Variants in WDR19 observed in about 807,000 individuals in gnomAD.
WDR19 encodes the protein WD repeat-containing protein 19.
Under a neutral mutation model 180.0 loss-of-function variants are expected in WDR19, and 121 were observed. The observed-to-expected ratio is 0.67, with a 90% CI of 0.58 to 0.78. The LOEUF is 0.78. Among genes scored for constraint, WDR19 ranks in the 30% least tolerant of loss-of-function variants. The pLI is 0.00. For synonymous variants in WDR19, 497 were observed against 540.7 expected, an observed-to-expected ratio of 0.92 and a Z score of 1.12; for missense variants, 1,450 against 1,640.7, an observed-to-expected ratio of 0.88 and a Z score of 2.01.
In WDR19 at chr4:39,253,874, A is replaced by C. The variant is rs146625025; in HGVS notation, c.2877-32A>C. On this transcript the variant is annotated intron_variant, in intron 25 of 36. Coordinates refer to ENST00000399820, the MANE Select transcript of WDR19 (RefSeq NM_025132.4). ...TTTTGTAAATCACAAATTTATATTA[A>C]GAGTCTAGCTAATTAAAGTACTTTG... 208 of 1,533,056 alleles carry C rather than the reference A, an allele frequency of 1.4e-4. 1 individual carries two copies. In the East Asian group the frequency reaches 4.5e-3, roughly 33 times the overall value. The allele number at this position is 1,533,056 out of a possible 1,614,324, so 95.0% of individuals were successfully genotyped here. A position where few individuals can be genotyped will look rare whatever the true frequency, so the allele number is the denominator to read the frequency against.
intron 26 of WDR19, 49 bp from the exon 27 acceptor site, chr4:39,255,799 G>A (rs1443621450): frequency 9.2e-7 from 1 of 1,085,480 alleles, no homozygotes; most frequent in Non-Finnish European, 1.3e-6. Context: ...AGCAATAAAA[G>A]GTAAACAAAT....
intron 28 of WDR19, among the ~76,000 whole-genome samples, chr4:39,262,294 T>G (rs4974999): frequency 0.63 from 95,617 of 151,904 alleles, 30,659 homozygotes; most frequent in East Asian, 0.82. Flanking sequence ...CTCTCTCTGT[T>G]GCCCAGGTGG....
intron 24 of WDR19, among the ~76,000 whole-genome samples, chr4:39,249,982 C>T (rs369964234): frequency 6.6e-6 from 1 of 152,176 alleles, no homozygotes; most frequent in Admixed American, 6.5e-5. Context: ...AGAATCCTCC[C>T]TAACTCATTT....
intron 31 of WDR19, among the ~76,000 whole-genome samples, chr4:39,270,411 C>G (rs944891543): frequency 6.6e-6 from 1 of 152,166 alleles, no homozygotes; most frequent in African/African-American, 2.4e-5. Flanking sequence ...ACGTCTTGCT[C>G]TTTACCCAGG....
chr4:39,187,297 G>A (rs1222863479), intron 3 of WDR19, among the ~76,000 whole-genome samples: 3 of 151,862 alleles, frequency 2.0e-5, no homozygotes, highest in African/African-American at 7.3e-5. Flanking sequence ...GCATGCGCCT[G>A]TAGTCCCAGC....
At chr4:39,259,386 C>G (rs923234753) in intron 28 of WDR19, among the ~76,000 whole-genome samples, 1 of 152,190 alleles carries the variant, frequency 6.6e-6, no homozygotes, top group Non-Finnish European at 1.5e-5. Context: ...CTTTAGTCGT[C>G]TGTCCTTGTA....
chr4:39,222,844 A>T (rs1209757257), intron 14 of WDR19, among the ~76,000 whole-genome samples: 1 of 152,218 alleles, frequency 6.6e-6, no homozygotes, highest in Non-Finnish European at 1.5e-5. Flanking sequence ...CAGGATATTG[A>T]CATTGGTACA....
At chr4:39,193,170 T>C (rs1283023393) in intron 4 of WDR19, among the ~76,000 whole-genome samples, 2 of 151,608 alleles carry the variant, frequency 1.3e-5, no homozygotes, top group Non-Finnish European at 2.9e-5. Flanking sequence ...CTTTTCTTTT[T>C]TTTTTTTTTG....
rs1290711866 is a variant in WDR19, at chr4:39,285,654, T to C, written c.*181T>C. On this transcript the variant is annotated 3_prime_UTR_variant, in exon 37 of 37. Coordinates refer to ENST00000399820, the MANE Select transcript of WDR19 (RefSeq NM_025132.4). ...GCAAAACGATGACATGTAACCTTGCTGTTTATTGTACTTTGTATATTATTT... is the reference window on the plus strand; with the variant it reads ...GCAAAACGATGACATGTAACCTTGCCGTTTATTGTACTTTGTATATTATTT... 6.6e-6 allele frequency: 1 copy of C among 152,254 alleles called. No individual in the cohort carries two copies. Among genetic ancestry groups the C allele is most frequent in the Non-Finnish European group, 1.5e-5 (1 of 68,056 alleles). The allele number at this position is 152,254 out of a possible 1,614,324, so 9.4% of individuals were successfully genotyped here.
chr4:39,244,309 G>A lies in WDR19; in HGVS notation c.2483G>A (p.Arg828His), dbSNP rs771137155. ...AQMSIRMGDI[R>H]RGVNQALKHP... ...ATGTCCATAAGAATGGGAGACATAC[G>A]TCGAGGGGTTAACCAAGCCCTCAAG... Residue 828 changes from arginine (R) to histidine (H), a missense_variant, in exon 22 of 37, where the codon CGT (arginine) becomes CAT (histidine). Transcript: ENST00000399820. 1.4e-5 allele frequency: 23 copies of A among 1,613,956 alleles called. No homozygotes were observed. The highest frequency in any genetic ancestry group is 5.5e-5 in the South Asian group (5 of 91,086).
chr4:39,183,442 G>C (rs112816212), intron 1 of WDR19, among the ~76,000 whole-genome samples: 2,801 of 151,804 alleles, frequency 0.018, 42 homozygotes, highest in Non-Finnish European at 0.027. Context: ...GTAGAGATGG[G>C]GTTTCACCGT....
chr4:39,239,657 G>A (rs1052295968), intron 20 of WDR19, among the ~76,000 whole-genome samples: 1 of 152,030 alleles, frequency 6.6e-6, no homozygotes, highest in Non-Finnish European at 1.5e-5. Context: ...TCCTGCACGT[G>A]TACCCCCGAA....
intron 36 of WDR19, among the ~76,000 whole-genome samples, chr4:39,283,007 A>G (rs1736718001): frequency 6.6e-6 from 1 of 152,046 alleles, no homozygotes; most frequent in Non-Finnish European, 1.5e-5. Flanking sequence ...ACTGGCTAGG[A>G]CCTCCTCTGC....
chr4:39,220,646 A>G (rs560412760), intron 14 of WDR19, among the ~76,000 whole-genome samples: 2 of 113,852 alleles, frequency 1.8e-5, no homozygotes, highest in Non-Finnish European at 3.3e-5. Context: ...AGTAGCTGGG[A>G]TTACAGGTAC....
At chr4:39,240,440 G>T in intron 21 of WDR19, 106 bp downstream of exon 21, 2 of 575,942 alleles carry the variant, frequency 3.5e-6, no homozygotes, top group Non-Finnish European at 5.2e-6. Flanking sequence ...TATCTAGCAG[G>T]TGAGTGTTTT....
chr4:39,251,109 T>A (rs544509074), intron 24 of WDR19, among the ~76,000 whole-genome samples: 1 of 151,750 alleles, frequency 6.6e-6, no homozygotes, highest in Non-Finnish European at 1.5e-5. Flanking sequence ...CTTCAAACTA[T>A]ACTACAAGGC....
In WDR19 at chr4:39,189,723, T is replaced by G; in HGVS notation, c.232T>G (p.Cys78Gly). The G allele has an allele frequency of 6.2e-7, 1 of 1,612,016 alleles. No individual in the cohort carries two copies. The highest frequency in any genetic ancestry group is 1.1e-5 in the South Asian group (1 of 90,484). ...VLAVIAEKSSCIYLWDANTNK... is the reference protein window; with the variant it reads ...VLAVIAEKSSGIYLWDANTNK... Reference sequence around the variant, plus strand: ...AGCAGTGATTGCTGAGAAATCTAGCTGCATTTATCTTTGGGATGCCAACAC... The same window carrying G: ...AGCAGTGATTGCTGAGAAATCTAGCGGCATTTATCTTTGGGATGCCAACAC... Residue 78 changes from cysteine to glycine, a missense_variant, in exon 4 of 37, where the codon TGC (cysteine) becomes GGC (glycine). Transcript: ENST00000399820.
chr4:39,273,230 T>C lies in WDR19; in HGVS notation c.3565+169T>C, dbSNP rs563958516. ...AGACCACTCCCAGGTTTGATGACTC[T>C]TCACTGGGAGGATTTACAAGAGTCA... is the stretch of plus-strand genomic sequence containing the variant. On this transcript the variant is annotated intron_variant, in intron 32 of 36. Transcript: ENST00000399820. 1.7e-3 allele frequency: 931 copies of C among 561,764 alleles called. 13 individuals carry two copies. The highest frequency in any genetic ancestry group is 1.1e-4 in the Non-Finnish European group (37 of 324,676). The allele number at this position is 561,764 out of a possible 1,614,324, so 34.8% of individuals were successfully genotyped here.
chr4:39,274,929 A>G lies in WDR19; in HGVS notation c.3687A>G (p.Lys1229=). ...AATACCGCAGCAAAATAGATGCCAAATACAAAAAGAAGATCGAGGGAATGG... is the reference window on the plus strand; with the variant it reads ...AATACCGCAGCAAAATAGATGCCAAGTACAAAAAGAAGATCGAGGGAATGG... ...RPEYRSKIDA[K]YKKKIEGMVR... Residue 1229 remains lysine, a synonymous_variant, in exon 33 of 37, where the codon AAA becomes AAG. Coordinates refer to ENST00000399820, the MANE Select transcript of WDR19 (RefSeq NM_025132.4). 6.2e-7 allele frequency: 1 copy of G among 1,614,082 alleles called. No individual in the cohort carries two copies. The highest frequency in any genetic ancestry group is 8.5e-7 in the Non-Finnish European group (1 of 1,179,906).
Sources: gnomAD v4.1 joint callset for allele counts (sites outside exome capture counted in the v4.1 genomes callset) on GRCh38, gnomAD v4.1.1 for gene constraint, MANE v1.5 for transcripts, NCBI Gene and HGNC (gene_info 2026-07-23, HGNC 2026-07-21) for gene names.